Variants in LRP6 observed in about 807,000 individuals in gnomAD.
LRP6 encodes low-density lipoprotein receptor-related protein 6.
A neutral mutation model predicts 184.1 loss-of-function variants in LRP6; 43 were observed. That is an observed-to-expected ratio of 0.23 (90% CI 0.18 to 0.30). LRP6 has a LOEUF of 0.30. Ranked by LOEUF, LRP6 falls within the 10% of genes least tolerant of loss-of-function variation. The pLI, the probability that LRP6 is intolerant of heterozygous loss-of-function variation, is 1.00. For missense variants in LRP6, 1,571 were observed against 2,005.3 expected (o/e 0.78, Z 4.14); for synonymous variants, 719 against 684.9 (o/e 1.05, Z -0.78).
chr12:12,187,718 G>A (rs572238075), intron 3 of LRP6, among the ~76,000 whole-genome samples: 5 of 152,278 alleles, frequency 3.3e-5, no homozygotes, highest in Admixed American at 3.3e-4. Flanking sequence ...TCTAGCTCCA[G>A]CAAGTGATCA....
At chr12:12,233,392 C>T (rs1210830448) in intron 2 of LRP6, among the ~76,000 whole-genome samples, 1 of 152,070 alleles carries the variant, frequency 6.6e-6, no homozygotes, top group Non-Finnish European at 1.5e-5. Context: ...GGCGTGAACC[C>T]GGGAGGCGGA....
At chr12:12,180,113 A>C (rs1418844615) in intron 6 of LRP6, 132 bp from the exon 7 acceptor site, 4 of 710,810 alleles carry the variant, frequency 5.6e-6, no homozygotes, top group Admixed American at 5.2e-5. Flanking sequence ...AAAAAAAAAA[A>C]AACATATGAA....
intron 3 of LRP6, among the ~76,000 whole-genome samples, chr12:12,194,837 A>AT (rs1322981316): frequency 6.6e-6 from 1 of 152,026 alleles, no homozygotes; most frequent in African/African-American, 2.4e-5. Flanking sequence ...GTAATTCTGT[A>AT]TTTTTTAGCA....
chr12:12,241,662 C>G (rs959138043), intron 2 of LRP6, among the ~76,000 whole-genome samples: 2 of 152,264 alleles, frequency 1.3e-5, no homozygotes, highest in Admixed American at 6.5e-5. Context: ...CTACTCTCCC[C>G]TCCTCTGCCT....
intron 9 of LRP6, among the ~76,000 whole-genome samples, 199 bp downstream of exon 9, chr12:12,164,074 G>A (rs912165794): frequency 6.6e-6 from 1 of 151,222 alleles, no homozygotes; most frequent in Non-Finnish European, 1.5e-5. Context: ...GGGTTGCAGT[G>A]AGCCGAGACT....
rs74774620 is a variant in LRP6 at position 12,159,862 on chromosome 12, G to A, written c.2382C>T (p.Asn794=). Residue 794 remains asparagine (N), a synonymous_variant, in exon 11 of 23, where the codon AAC becomes AAT. Coordinates refer to ENST00000261349, the MANE Select transcript of LRP6 (RefSeq NM_002336.3). ...TTTTAGCATAATCAATAGTTAGGCC[G>A]TTTGCCCGCCCCACATTTGGAACTA... is the stretch of plus-strand genomic sequence containing the variant. ...TTLVPNVGRA[N]GLTIDYAKRR... The A allele has an allele frequency of 9.7e-4, 1,564 of 1,614,024 alleles. 12 individuals carry two copies. The African/African-American group carries it at 0.018, about 19-fold the overall frequency.
intron 13 of LRP6, 35 bp from the exon 14 acceptor site, chr12:12,149,188 T>C: frequency 6.4e-7 from 1 of 1,554,912 alleles, no homozygotes. Context: ...AAAATTAAAC[T>C]CCAGGGGCAG....
At chr12:12,129,767 G>T (rs1949721183) in intron 19 of LRP6, among the ~76,000 whole-genome samples, 1 of 152,092 alleles carries the variant, frequency 6.6e-6, no homozygotes, top group Admixed American at 6.6e-5. Context: ...GGCCAGGCTG[G>T]TCTCGAACTC....
At chr12:12,211,143 TAA>T (rs1056462699) in intron 2 of LRP6, 1 of 152,152 alleles carries the variant, frequency 6.6e-6, no homozygotes, top group African/African-American at 2.4e-5. Context: ...AGTAACCAGA[TAA>T]AAGAGTCTGG....
At chr12:12,171,666 T>C (rs991258204) in intron 7 of LRP6, among the ~76,000 whole-genome samples, 2 of 152,236 alleles carry the variant, frequency 1.3e-5, no homozygotes, top group Non-Finnish European at 1.5e-5. Flanking sequence ...TATCTGACTG[T>C]GAGACTTTGC....
chr12:12,184,614 T>C (rs1863425447), intron 4 of LRP6, among the ~76,000 whole-genome samples: 1 of 152,138 alleles, frequency 6.6e-6, no homozygotes, highest in South Asian at 2.1e-4. Flanking sequence ...GGCTATAAAC[T>C]GGGTAAGATA....
rs1863406626 is a variant in LRP6, at chr12:12,183,990, G to A, written c.966C>T (p.Thr322=). 6.2e-7 allele frequency: 1 copy of A among 1,613,138 alleles called. No individual in the cohort carries two copies. Among genetic ancestry groups the A allele is most frequent in the African/African-American group, 1.3e-5 (1 of 74,896 alleles). Reference sequence around the variant, plus strand: ...ATAATATCTTCTTACCATCTTTGCAGGTTTTTCCATTCTCCAGGAGTTTGA... The same window carrying A: ...ATAATATCTTCTTACCATCTTTGCAAGTTTTTCCATTCTCCAGGAGTTTGA... The part of the protein sequence containing the change: ...TGVKLLENGK[T]CKDGATELLL... The change falls in exon 5 of 23, where the codon ACC becomes ACT. Residue 322 remains threonine (T), a synonymous_variant. Transcript: ENST00000261349.
intron 13 of LRP6, 39 bp from the exon 14 acceptor site, chr12:12,149,192 G>C (rs759294130): frequency 5.9e-6 from 9 of 1,535,996 alleles, no homozygotes; most frequent in Non-Finnish European, 8.1e-6. Flanking sequence ...TTAAACTCCA[G>C]GGGCAGATAA....
At chr12:12,122,672 A>G (rs1949620707) in intron 22 of LRP6, among the ~76,000 whole-genome samples, 1 of 152,154 alleles carries the variant, frequency 6.6e-6, no homozygotes, top group African/African-American at 2.4e-5. Flanking sequence ...TCTACAAAAA[A>G]TAAAAAAAAG....
intron 3 of LRP6, among the ~76,000 whole-genome samples, chr12:12,190,066 A>C (rs1863571905): frequency 6.6e-6 from 1 of 152,222 alleles, no homozygotes; most frequent in African/African-American, 2.4e-5. Context: ...ATAAAATTAA[A>C]TGTTTTTAAG....
At chr12:12,181,004 AAAC>A (rs1184316900) in intron 6 of LRP6, 36 bp downstream of exon 6, 1 of 1,612,358 alleles carries the variant, frequency 6.2e-7, no homozygotes, top group South Asian at 1.1e-5. Context: ...TGAAAAACAG[AAAC>A]ACCACACAGA....
intron 22 of LRP6, among the ~76,000 whole-genome samples, chr12:12,123,041 GAA>G (rs35213442): frequency 2.9e-5 from 4 of 137,940 alleles, no homozygotes; most frequent in Non-Finnish European, 3.2e-5. Context: ...CTATTTTCAT[GAA>G]AAAAAAAAAA....
chr12:12,135,463 CTTT>C (rs1185361578), intron 16 of LRP6, among the ~76,000 whole-genome samples, 163 bp from the exon 17 acceptor site: 1 of 135,730 alleles, frequency 7.4e-6, no homozygotes, highest in Admixed American at 8.2e-5. Context: ...TTATTATGGA[CTTT>C]TTTTACTTTT....
chr12:12,213,484 TTTTC>T (rs758077368), intron 2 of LRP6, among the ~76,000 whole-genome samples: 28 of 151,536 alleles, frequency 1.8e-4, no homozygotes, highest in East Asian at 5.8e-4. Flanking sequence ...TTACAAATAT[TTTTC>T]TTTGTCTTTT....
Sources: gnomAD v4.1 joint callset for allele counts (sites outside exome capture counted in the v4.1 genomes callset) on GRCh38, gnomAD v4.1.1 for gene constraint, MANE v1.5 for transcripts, NCBI Gene and HGNC (gene_info 2026-07-23, HGNC 2026-07-21) for gene names.